STX1A: variants seen among roughly 807,000 people sequenced by gnomAD.
STX1A encodes the protein syntaxin-1A.
A neutral mutation model predicts 37.8 loss-of-function variants in STX1A; 4 were observed. The observed-to-expected ratio is 0.11, with a 90% CI of 0.05 to 0.24. The LOEUF (loss-of-function observed/expected upper bound fraction) is 0.24. Among genes scored for constraint, STX1A ranks in the 10% least tolerant of loss-of-function variants. The probability of loss-of-function intolerance (pLI) is 1.00; values close to 1 mark genes in which losing one functional copy is unlikely to be tolerated. For synonymous variants in STX1A, 135 were observed against 147.4 expected, an observed-to-expected ratio of 0.92 and a Z score of 0.61; for missense variants, 251 against 399.9, an observed-to-expected ratio of 0.63 and a Z score of 3.18.
chr7:73,708,652 C>G lies in STX1A; in HGVS notation c.145G>C (p.Glu49Gln), dbSNP rs1554617450. The change falls in exon 3 of 10, where the codon GAG (glutamate) becomes CAG (glutamine). Residue 49 changes from glutamate (E) to glutamine (Q), a missense_variant. Coordinates refer to ENST00000222812, the MANE Select transcript of STX1A (RefSeq NM_004603.4). ...EIRGFIDKIA[E>Q]NVEEVKRKHS... ...TTCCGCTTCACCTCCTCCACGTTCT[C>G]TGCGATCTTGTCAATGAAGCCTCGA... 6.2e-7 allele frequency: 1 copy of G among 1,614,202 alleles called. No homozygotes were observed. Among genetic ancestry groups the G allele is most frequent in the East Asian group, 2.2e-5 (1 of 44,874 alleles).
chr7:73,710,793 C>T (rs554570923), intron 1 of STX1A, among the ~76,000 whole-genome samples: 2 of 152,296 alleles, frequency 1.3e-5, no homozygotes, highest in South Asian at 2.1e-4. Flanking sequence ...GACCCCACCT[C>T]GGTGCTCTCG....
rs782724276 is a variant in STX1A, at chr7:73,704,324, GC to G, written c.357+25del. On this transcript the variant is annotated intron_variant, in intron 5 of 9. Coordinates refer to ENST00000222812, the MANE Select transcript of STX1A (RefSeq NM_004603.4). ...GACCGACCCAGAGACTCAGGTGCCC[GC>G]CCATCCTAGACTCCGTGGCCGCACC... 10 of 1,613,986 alleles carry G rather than the reference GC, an allele frequency of 6.2e-6. No individual in the cohort carries two copies. The East Asian group carries it at 2.0e-4, about 32-fold the overall frequency.
rs1266108149 is a variant in STX1A, at chr7:73,700,573, G to C, written c.790-89C>G. On this transcript the variant is annotated intron_variant, in intron 9 of 9. Coordinates refer to ENST00000222812, the MANE Select transcript of STX1A (RefSeq NM_004603.4). This position sits in a 1 kb window ranked among gnomAD's most constrained non-coding sequence, Gnocchi z 4.4. ...GCAAAGGCTGAGGACTGGACAGTCG[G>C]GGGGGATCCAAGCAGGGGAAGGTGA... 1.4e-5 allele frequency: 21 copies of C among 1,537,924 alleles called. No individual in the cohort carries two copies. Among genetic ancestry groups the C allele is most frequent in the South Asian group, 4.6e-5 (4 of 86,132 alleles).
In STX1A at chr7:73,705,455, C is replaced by T; in HGVS notation, c.209-231G>A. 1.9e-6 allele frequency: 1 copy of T among 521,828 alleles called. No homozygotes were observed. The highest frequency in any genetic ancestry group is 3.4e-6 in the Non-Finnish European group (1 of 290,986). The allele number at this position is 521,828 out of a possible 1,614,324, so 32.3% of individuals were successfully genotyped here. On this transcript the variant is annotated intron_variant, in intron 3 of 9. Transcript: ENST00000222812. The surrounding 1 kb of genome is among the most constrained non-coding windows in gnomAD (Gnocchi z 5.2). ...TGCTGTCTTCGGAGGAGCCTCCCTTCCTCCTTTGCTGGCGCCCCCACCCCC... is the reference window on the plus strand; with the variant it reads ...TGCTGTCTTCGGAGGAGCCTCCCTTTCTCCTTTGCTGGCGCCCCCACCCCC...
In STX1A at chr7:73,702,490, C is replaced by A; in HGVS notation, c.678+355G>T. On this transcript the variant is annotated intron_variant, in intron 8 of 9. Coordinates refer to ENST00000222812, the MANE Select transcript of STX1A (RefSeq NM_004603.4). This position sits in a 1 kb window ranked among gnomAD's most constrained non-coding sequence, Gnocchi z 4.7. ...CTCTTTTGCCCAACAGCCATTCACTCCAGGAAGCAGGTCCCTGAGCTGTCC... is the reference window on the plus strand; with the variant it reads ...CTCTTTTGCCCAACAGCCATTCACTACAGGAAGCAGGTCCCTGAGCTGTCC... 2.2e-6 allele frequency: 1 copy of A among 445,166 alleles called. No homozygotes were observed. Among genetic ancestry groups the A allele is most frequent in the Non-Finnish European group, 3.9e-6 (1 of 259,732 alleles). 27.6% of individuals were successfully genotyped at this position (445,166 alleles called of 1,614,324 possible).
rs182051389 is a variant in STX1A, at chr7:73,708,121, G to A, written c.208+468C>T. Among the ~76,000 whole-genome samples the A allele has an allele frequency of 1.7e-3, 261 of 151,342 alleles. 1 individual carries two copies. The highest frequency in any genetic ancestry group is 4.5e-3 in the African/African-American group (185 of 41,274). The stretch of plus-strand genomic sequence containing the variant: ...TCTACTAAAATACAAAAAATTAGCC[G>A]GGCATGGTGGCGCGTGCCTGTAATC... On this transcript the variant is annotated intron_variant, in intron 3 of 9. Transcript: ENST00000222812.
Position 73,719,648 on chromosome 7 carries a change from G to C in STX1A, c.-17C>G. 8.4e-7 allele frequency: 1 copy of C among 1,188,038 alleles called. No individual in the cohort carries two copies. The highest frequency in any genetic ancestry group is 1.0e-6 in the Non-Finnish European group (1 of 955,712). 73.6% of individuals were successfully genotyped at this position (1,188,038 alleles called of 1,614,324 possible). ...GTCCTTCATGCTCCCGGGAGTGGCA[G>C]CGGCGCCGGCTGCAGCCGTGTGAGC... On this transcript the variant is annotated 5_prime_UTR_variant, in exon 1 of 10. Coordinates refer to ENST00000222812, the MANE Select transcript of STX1A (RefSeq NM_004603.4).
At position 73,705,206 on chromosome 7, in the gene STX1A, T is replaced by C. The variant is rs781950897; in HGVS notation, c.227A>G (p.Glu76Gly). ...CTTCTTTATGTCGGACATGAGTTCTTCCAGCTCCTCCTTCGTCTCTGGGGA... is the reference window on the plus strand; with the variant it reads ...CTTCTTTATGTCGGACATGAGTTCTCCCAGCTCCTCCTTCGTCTCTGGGGA... ...NPDEKTKEEL[E>G]ELMSDIKKTA... The change falls in exon 4 of 10, where the codon GAA becomes GGA. Residue 76 changes from glutamate (E) to glycine (G), a missense_variant. Physicochemically the swap from Glu to Gly is moderately conservative, Grantham distance 98. Transcript: ENST00000222812. The surrounding 1 kb of genome is among the most constrained non-coding windows in gnomAD (Gnocchi z 5.2). The C allele has an allele frequency of 9.3e-6, 15 of 1,614,118 alleles. No individual in the cohort carries two copies. The highest frequency in any genetic ancestry group is 1.3e-5 in the Non-Finnish European group (15 of 1,179,992).
chr7:73,708,761 G>C (rs1320145664), intron 2 of STX1A, 73 bp from the exon 3 acceptor site: 4 of 1,500,980 alleles, frequency 2.7e-6, no homozygotes, highest in Non-Finnish European at 3.6e-6. Flanking sequence ...AGATGGCCCA[G>C]AGTAGGGCTG....
At chr7:73,703,963 C>A in intron 6 of STX1A, 135 bp from the exon 7 acceptor site, 3 of 1,064,032 alleles carry the variant, frequency 2.8e-6, no homozygotes, top group Admixed American at 2.6e-5. Context: ...GCCCCGCCCC[C>A]CCGGCCCTTA....
chr7:73,703,691 G>C, intron 7 of STX1A, 64 bp downstream of exon 7: 1 of 1,547,574 alleles, frequency 6.5e-7, no homozygotes, highest in Non-Finnish European at 8.9e-7. Flanking sequence ...CCCAGCACTA[G>C]GGGTCATGGA....
intron 2 of STX1A, 102 bp from the exon 3 acceptor site, chr7:73,708,790 A>G: frequency 2.4e-6 from 3 of 1,257,352 alleles, no homozygotes; most frequent in Non-Finnish European, 2.3e-6. Context: ...GCTCAGGGGG[A>G]GGACGGGCCA....
At position 73,702,100 on chromosome 7, in the gene STX1A, G is replaced by C. The variant is rs1268333880; in HGVS notation, c.678+745C>G. Among the ~76,000 whole-genome samples, 1 of 152,084 alleles carries C rather than the reference G, an allele frequency of 6.6e-6. No homozygotes were observed. The highest frequency in any genetic ancestry group is 6.6e-5 in the Admixed American group (1 of 15,262). ...TTTTTCTGTTCCTGAAATAAGTCTG[G>C]GTCTTGCTGGGCTTGGGACCTTAGT... On this transcript the variant is annotated intron_variant, in intron 8 of 9. Transcript: ENST00000222812. The surrounding 1 kb of genome is among the most constrained non-coding windows in gnomAD (Gnocchi z 4.7).
chr7:73,716,975 G>A (rs887211347), intron 1 of STX1A, among the ~76,000 whole-genome samples: 6 of 152,218 alleles, frequency 3.9e-5, no homozygotes, highest in South Asian at 2.1e-4. Flanking sequence ...GAGGGACTGC[G>A]ACAGCATTGA....
In STX1A at chr7:73,704,330, C is replaced by T. The variant is rs781921432; in HGVS notation, c.357+20G>A. The T allele has an allele frequency of 3.7e-6, 6 of 1,614,162 alleles. No homozygotes were observed. In the African/African-American group the frequency reaches 5.3e-5, roughly 14 times the overall value. On this transcript the variant is annotated intron_variant, in intron 5 of 9. Coordinates refer to ENST00000222812, the MANE Select transcript of STX1A (RefSeq NM_004603.4). ...CCCAGAGACTCAGGTGCCCGCCCAT[C>T]CTAGACTCCGTGGCCGCACCTGTGT... is the stretch of plus-strand genomic sequence containing the variant.
intron 1 of STX1A, among the ~76,000 whole-genome samples, chr7:73,718,406 C>A (rs186888459): frequency 4.6e-5 from 7 of 152,212 alleles, no homozygotes; most frequent in Admixed American, 2.0e-4. Context: ...ACTCAGGGAG[C>A]CTCTGGGTGG....
chr7:73,712,262 G>A (rs1799130638), intron 1 of STX1A, among the ~76,000 whole-genome samples: 1 of 151,980 alleles, frequency 6.6e-6, no homozygotes, highest in Non-Finnish European at 1.5e-5. Flanking sequence ...TTCGTTCTTG[G>A]GAATTTTCAC....
chr7:73,712,687 C>T (rs1799147535), intron 1 of STX1A, among the ~76,000 whole-genome samples: 1 of 152,188 alleles, frequency 6.6e-6, no homozygotes, highest in African/African-American at 2.4e-5. Context: ...GAGTCCTTCT[C>T]TTCCCTGTGG....
chr7:73,704,537 G>A, intron 4 of STX1A, 114 bp from the exon 5 acceptor site: 2 of 1,356,164 alleles, frequency 1.5e-6, no homozygotes, highest in East Asian at 2.5e-5. Flanking sequence ...TGTGTGGCCT[G>A]TGGCTGGTGG....
Sources: gnomAD v4.1 joint callset for allele counts (sites outside exome capture counted in the v4.1 genomes callset) on GRCh38, gnomAD v4.1.1 for gene constraint, Gnocchi (gnomAD v3.1) non-coding constraint, MANE v1.5 for transcripts, NCBI Gene and HGNC (gene_info 2026-07-23, HGNC 2026-07-21) for gene names.